Variants in BMPR1B observed in about 807,000 individuals in gnomAD.
The protein encoded by BMPR1B is bone morphogenetic protein receptor type 1B.
In BMPR1B, 12 loss-of-function variants were observed where a neutral mutation model predicts 59.1. That is an observed-to-expected ratio of 0.20 (90% CI 0.13 to 0.33). The LOEUF is 0.33. BMPR1B is among the 10% of genes least tolerant of loss of function. The pLI, the probability that BMPR1B is intolerant of heterozygous loss-of-function variation, is 1.00. For synonymous variants in BMPR1B, 237 were observed against 207.3 expected, an observed-to-expected ratio of 1.14 and a Z score of -1.23; for missense variants, 550 against 610.9, an observed-to-expected ratio of 0.90 and a Z score of 1.05.
At chr4:95,124,219 T>C (rs982251876) in intron 7 of BMPR1B, among the ~76,000 whole-genome samples, 3 of 152,060 alleles carry the variant, frequency 2.0e-5, no homozygotes, top group African/African-American at 7.2e-5. Context: ...GAAATGGCCA[T>C]GTTGAACTTA....
intron 1 of BMPR1B, among the ~76,000 whole-genome samples, chr4:94,801,138 T>A (rs952929499): frequency 6.6e-6 from 1 of 152,232 alleles, no homozygotes; most frequent in Non-Finnish European, 1.5e-5. Flanking sequence ...TTCCTGGGAC[T>A]CACCACCCCT....
intron 1 of BMPR1B, among the ~76,000 whole-genome samples, chr4:94,875,044 C>T (rs966371199): frequency 6.6e-6 from 1 of 152,002 alleles, no homozygotes; most frequent in East Asian, 1.9e-4. Flanking sequence ...TATCAAAATC[C>T]TTGCACTAAG....
intron 2 of BMPR1B, among the ~76,000 whole-genome samples, chr4:94,964,472 T>C (rs1730480230): frequency 6.6e-6 from 1 of 152,164 alleles, no homozygotes; most frequent in African/African-American, 2.4e-5. Flanking sequence ...GCAAAGACTT[T>C]TTTCTTCTAT....
At chr4:95,147,885 C>T (rs552654494) in intron 10 of BMPR1B, among the ~76,000 whole-genome samples, 21 of 152,266 alleles carry the variant, frequency 1.4e-4, no homozygotes, top group African/African-American at 4.3e-4. Flanking sequence ...GGCTCCAGCT[C>T]ATCGCACTGA....
intron 2 of BMPR1B, among the ~76,000 whole-genome samples, chr4:94,929,798 C>T (rs1729024637): frequency 6.6e-6 from 1 of 152,022 alleles, no homozygotes; most frequent in African/African-American, 2.4e-5. Flanking sequence ...CTGCACGTCT[C>T]CACTTGGAAT....
chr4:95,144,449 G>A (rs1734485717), intron 10 of BMPR1B, among the ~76,000 whole-genome samples: 1 of 150,758 alleles, frequency 6.6e-6, no homozygotes, highest in African/African-American at 2.4e-5. Flanking sequence ...AAAATGCTGA[G>A]ATTACAGGCA....
chr4:94,953,251 C>T (rs765137527), intron 2 of BMPR1B, among the ~76,000 whole-genome samples: 3 of 152,082 alleles, frequency 2.0e-5, no homozygotes, highest in South Asian at 2.1e-4. Flanking sequence ...GGGCATTTAG[C>T]CCATTTACAT....
At chr4:94,895,758 T>G (rs1430182482) in intron 2 of BMPR1B, among the ~76,000 whole-genome samples, 5 of 151,892 alleles carry the variant, frequency 3.3e-5, no homozygotes, top group Non-Finnish European at 5.9e-5. Context: ...TTCTTTTTGT[T>G]TGGTTATTAG....
chr4:94,805,124 C>T (rs577052561), intron 1 of BMPR1B, among the ~76,000 whole-genome samples: 25 of 152,174 alleles, frequency 1.6e-4, no homozygotes, highest in African/African-American at 5.8e-4. Flanking sequence ...TGAAGAAGCA[C>T]AGAATTTTGG....
chr4:94,927,563 A>G (rs1384259004), intron 2 of BMPR1B, among the ~76,000 whole-genome samples: 1 of 152,144 alleles, frequency 6.6e-6, no homozygotes, highest in African/African-American at 2.4e-5. Flanking sequence ...AGAAAAGGAC[A>G]TTCAGTTGGC....
In BMPR1B at chr4:95,123,802, A is replaced by G; in HGVS notation, c.350-8A>G. On this transcript the variant is annotated splice_region_variant and splice_polypyrimidine_tract_variant and intron_variant, in intron 6 of 12. Transcript: ENST00000515059. ...CTTGATTATGGCTCTTTTTCTTTTT[A>G]ATTTCAGATTTTGTTGATGGACCTA... 1 of 1,589,052 alleles carries G rather than the reference A, an allele frequency of 6.3e-7. No homozygotes were observed. Among genetic ancestry groups the G allele is most frequent in the Non-Finnish European group, 8.6e-7 (1 of 1,160,788 alleles).
At chr4:94,866,109 C>T (rs1428319412) in intron 1 of BMPR1B, among the ~76,000 whole-genome samples, 1 of 152,170 alleles carries the variant, frequency 6.6e-6, no homozygotes, top group African/African-American at 2.4e-5. Context: ...TTTCTAGGTG[C>T]TGATTGTTGC....
At chr4:95,129,804 GA>G (rs1733181842) in intron 8 of BMPR1B, 57 bp from the exon 9 acceptor site, 7 of 1,571,406 alleles carry the variant, frequency 4.5e-6, no homozygotes, top group Non-Finnish European at 6.1e-6. Context: ...GAGAAAAAAA[GA>G]TTAAACAAAT....
chr4:94,784,340 T>TTA lies in BMPR1B; in HGVS notation c.-183+26272_-183+26273insTA, dbSNP rs146121285. Among the ~76,000 whole-genome samples, 1,448 of 152,288 alleles carry TTA rather than the reference T, an allele frequency of 9.5e-3. 16 individuals carry two copies. The highest frequency in any genetic ancestry group is 0.017 in the Non-Finnish European group (1,146 of 68,024). ...CTGTTTTTTGGATGAACTTGTATAA[T>TTA]ATTAGGTTTTGTTCCTTGAAAGTTT... On this transcript the variant is annotated intron_variant, in intron 1 of 12. Transcript: ENST00000515059.
intron 2 of BMPR1B, among the ~76,000 whole-genome samples, chr4:94,885,863 A>G (rs1474554247): frequency 6.6e-6 from 1 of 152,222 alleles, no homozygotes; most frequent in Non-Finnish European, 1.5e-5. Flanking sequence ...CCCTGGTCAC[A>G]CAATCCTGGA....
intron 3 of BMPR1B, among the ~76,000 whole-genome samples, chr4:95,021,301 A>G (rs1300271532): frequency 6.6e-6 from 1 of 152,180 alleles, no homozygotes; most frequent in Admixed American, 6.5e-5. Context: ...AAATGCAGTG[A>G]TTGTCTTATT....
intron 3 of BMPR1B, among the ~76,000 whole-genome samples, chr4:95,104,172 T>G (rs749747088): frequency 2.1e-4 from 32 of 152,214 alleles, no homozygotes; most frequent in Non-Finnish European, 4.0e-4. Context: ...GCTGTTACAA[T>G]TTAATACATA....
At chr4:94,780,446 C>G (rs756507546) in intron 1 of BMPR1B, among the ~76,000 whole-genome samples, 2 of 151,980 alleles carry the variant, frequency 1.3e-5, no homozygotes, top group African/African-American at 4.8e-5. Context: ...GTTGTTTATA[C>G]TTTTTGGTTA....
At chr4:94,965,092 C>T (rs1411096142) in intron 2 of BMPR1B, among the ~76,000 whole-genome samples, 1 of 152,072 alleles carries the variant, frequency 6.6e-6, no homozygotes, top group African/African-American at 2.4e-5. Flanking sequence ...CTTCCCAGTA[C>T]CACTCAGATT....
Sources: gnomAD v4.1 joint callset for allele counts (sites outside exome capture counted in the v4.1 genomes callset) on GRCh38, gnomAD v4.1.1 for gene constraint, MANE v1.5 for transcripts, NCBI Gene and HGNC (gene_info 2026-07-23, HGNC 2026-07-21) for gene names.